The following TYW1B variants were observed in gnomAD, a reference collection of about 807,000 sequenced individuals.
TYW1B encodes the protein tRNA-yW synthesizing protein 1 homolog B.
In TYW1B, 73 loss-of-function variants were observed where a neutral mutation model predicts 86.9. That is an observed-to-expected ratio of 0.84 (90% CI 0.70 to 1.02). The LOEUF (loss-of-function observed/expected upper bound fraction) is 1.02. TYW1B is among the 50% of genes least tolerant of loss of function. The probability of loss-of-function intolerance (pLI) is 0.00; values close to 1 mark genes in which losing one functional copy is unlikely to be tolerated. For missense variants in TYW1B, 637 were observed against 827.4 expected, an observed-to-expected ratio of 0.77 and a Z score of 2.82; for synonymous variants, 248 against 292.8, an observed-to-expected ratio of 0.85 and a Z score of 1.56.
At chr7:72,660,074 A>C (rs1227960751) in intron 11 of TYW1B, among the ~76,000 whole-genome samples, 3 of 152,164 alleles carry the variant, frequency 2.0e-5, no homozygotes, top group Non-Finnish European at 2.9e-5. Flanking sequence ...CAATATGTAA[A>C]CAAGAATCAT....
chr7:72,813,171 C>CT (rs782128548), intron 3 of TYW1B, among the ~76,000 whole-genome samples: 3,299 of 123,714 alleles, frequency 0.027, 128 homozygotes, highest in African/African-American at 0.07. Flanking sequence ...CATACTTCTT[C>CT]TTTTTTTTTT....
At chr7:72,727,831 A>AAAAAAAAAAAAG (rs1554237443) in intron 9 of TYW1B, among the ~76,000 whole-genome samples, 1 of 104,246 alleles carries the variant, frequency 9.6e-6, no homozygotes, top group Non-Finnish European at 2.0e-5. Context: ...AAAAAAAAAA[A>AAAAAAAAAAAAG]AAGAAGAAAG....
intron 9 of TYW1B, among the ~76,000 whole-genome samples, chr7:72,721,529 G>A (rs1786901195): frequency 6.6e-6 from 1 of 152,088 alleles, no homozygotes; most frequent in South Asian, 2.1e-4. Context: ...GATTCCTGGA[G>A]AAGAAAGAAA....
intron 10 of TYW1B, among the ~76,000 whole-genome samples, chr7:72,713,297 ACT>A (rs1489207520): frequency 2.1e-5 from 2 of 93,242 alleles, no homozygotes; most frequent in Admixed American, 1.0e-4. Flanking sequence ...TGAGACTCCA[ACT>A]CAAAAAAAAA....
chr7:72,576,958 C>A lies in TYW1B; in HGVS notation c.1786-1239G>T, dbSNP rs1346824960. ...CCTGGCCAACATGGTAAAACCCCAT[C>A]GCTACTAAAAATACAAAAATTAGCC... On this transcript the variant is annotated intron_variant, in intron 13 of 13. Coordinates refer to ENST00000620995, the MANE Select transcript of TYW1B (RefSeq NM_001145440.3). 3.9e-5 allele frequency among the ~76,000 whole-genome samples: 6 copies of A among 152,072 alleles called. No individual in the cohort carries two copies. In the South Asian group the frequency reaches 6.2e-4, roughly 16 times the overall value.
chr7:72,791,803 A>G (rs1186872515), intron 6 of TYW1B, among the ~76,000 whole-genome samples: 3 of 151,936 alleles, frequency 2.0e-5, no homozygotes, highest in African/African-American at 7.3e-5. Flanking sequence ...GAACAATGGA[A>G]CTTCCCAGGC....
intron 8 of TYW1B, among the ~76,000 whole-genome samples, chr7:72,741,254 A>C (rs1243271338): frequency 3.9e-5 from 6 of 152,290 alleles, no homozygotes; most frequent in African/African-American, 1.4e-4. Context: ...GTCTAAACAA[A>C]TCCAGAATAT....
intron 10 of TYW1B, among the ~76,000 whole-genome samples, chr7:72,711,233 C>G (rs782216005): frequency 6.6e-6 from 1 of 152,036 alleles, no homozygotes; most frequent in Non-Finnish European, 1.5e-5. Flanking sequence ...GCTATGCCTG[C>G]CGCGCAGAAA....
chr7:72,679,931 AC>A lies in TYW1B; in HGVS notation c.1506+14755del, dbSNP rs1464746288. 3.3e-5 allele frequency among the ~76,000 whole-genome samples: 5 copies of A among 152,286 alleles called. No homozygotes were observed. The East Asian group carries it at 9.7e-4, about 29-fold the overall frequency. On this transcript the variant is annotated intron_variant, in intron 11 of 13. Coordinates refer to ENST00000620995, the MANE Select transcript of TYW1B (RefSeq NM_001145440.3). ...GATCACTTGACGCCAGGAGTTCGAG[AC>A]CAACCTGAGCAACACAGTGAGACCG...
chr7:72,683,759 T>G (rs1340773155), intron 11 of TYW1B, among the ~76,000 whole-genome samples: 1 of 152,098 alleles, frequency 6.6e-6, no homozygotes, highest in African/African-American at 2.4e-5. Flanking sequence ...TTTAAAGAGA[T>G]AGCACAAGCA....
rs536251412 is a variant in TYW1B at position 72,640,481 on chromosome 7, A to G, written c.1507-11484T>C. ...AAAGATACAAAAAAGGCTGAAAATA[A>G]AAACAAAAAGAAAAAAGTTGTACTA... On this transcript the variant is annotated intron_variant, in intron 11 of 13. Transcript: ENST00000620995. 4.6e-5 allele frequency among the ~76,000 whole-genome samples: 7 copies of G among 152,174 alleles called. No individual in the cohort carries two copies. In the East Asian group the frequency reaches 5.8e-4, roughly 13 times the overall value.
At chr7:72,707,488 T>C (rs1274212168) in intron 10 of TYW1B, among the ~76,000 whole-genome samples, 1 of 152,266 alleles carries the variant, frequency 6.6e-6, no homozygotes, top group African/African-American at 2.4e-5. Context: ...TATTAAAATA[T>C]ATCAGTACCT....
At chr7:72,763,614 A>G (rs965461593) in intron 7 of TYW1B, among the ~76,000 whole-genome samples, 1 of 152,130 alleles carries the variant, frequency 6.6e-6, no homozygotes, top group Non-Finnish European at 1.5e-5. Flanking sequence ...GTGAATTTCC[A>G]TATTGCTTTT....
chr7:72,711,172 T>C (rs1554454681), intron 10 of TYW1B, among the ~76,000 whole-genome samples: 1 of 152,084 alleles, frequency 6.6e-6, no homozygotes, highest in African/African-American at 2.4e-5. Context: ...AATAAGCACA[T>C]TCCTTTCCAT....
intron 7 of TYW1B, among the ~76,000 whole-genome samples, chr7:72,757,598 A>G (rs1787614942): frequency 6.6e-6 from 1 of 152,152 alleles, no homozygotes; most frequent in South Asian, 2.1e-4. Context: ...ACTGTCTACA[A>G]TGGCCTAGAA....
At chr7:72,660,349 G>T (rs1345623537) in intron 11 of TYW1B, among the ~76,000 whole-genome samples, 1 of 152,044 alleles carries the variant, frequency 6.6e-6, no homozygotes, top group Non-Finnish European at 1.5e-5. Context: ...ACTCCAGCCT[G>T]GTCAAAAGAG....
chr7:72,670,572 C>T (rs113541316), intron 11 of TYW1B, among the ~76,000 whole-genome samples: 9,805 of 152,262 alleles, frequency 0.064, 421 homozygotes, highest in Non-Finnish European at 0.091. Context: ...CACAGAGGTT[C>T]GGTGGTTTGG....
At position 72,748,556 on chromosome 7, in the gene TYW1B, T is replaced by C. The variant is rs570466889; in HGVS notation, c.965-3955A>G. On this transcript the variant is annotated intron_variant, in intron 7 of 13. Coordinates refer to ENST00000620995, the MANE Select transcript of TYW1B (RefSeq NM_001145440.3). ...CCAATCTAATGGGAAAAGCATTTAC[T>C]CTCTCATATTAGGTATGATGTTAGC... Among the ~76,000 whole-genome samples the C allele has an allele frequency of 6.0e-5, 9 of 149,134 alleles. No individual in the cohort carries two copies. In the East Asian group the frequency reaches 1.6e-3, roughly 26 times the overall value.
intron 11 of TYW1B, among the ~76,000 whole-genome samples, chr7:72,675,471 C>T (rs1403503380): frequency 1.3e-5 from 2 of 151,150 alleles, no homozygotes; most frequent in African/African-American, 2.4e-5. Context: ...AAAAGGACAA[C>T]TACACATTAT....
Sources: gnomAD v4.1 joint callset for allele counts (sites outside exome capture counted in the v4.1 genomes callset) on GRCh38, gnomAD v4.1.1 for gene constraint, MANE v1.5 for transcripts, NCBI Gene and HGNC (gene_info 2026-07-23, HGNC 2026-07-21) for gene names.